The following KCNMA1 variants were observed in gnomAD, a reference collection of about 807,000 sequenced individuals.
KCNMA1 encodes potassium calcium-activated channel subfamily M alpha 1.
KCNMA1 carries 29 observed loss-of-function variants against 140.0 expected under a neutral mutation model. The observed-to-expected ratio is 0.21, with a 90% CI of 0.15 to 0.28. The LOEUF (loss-of-function observed/expected upper bound fraction) is 0.28. Among genes scored for constraint, KCNMA1 ranks in the 10% least tolerant of loss-of-function variants. The probability of loss-of-function intolerance (pLI) is 1.00; values close to 1 mark genes in which losing one functional copy is unlikely to be tolerated. For synonymous variants in KCNMA1, 612 were observed against 611.9 expected (o/e 1.00, Z 0.00); for missense variants, 880 against 1,602.2 (o/e 0.55, Z 7.70).
intron 14 of KCNMA1, among the ~76,000 whole-genome samples, chr10:77,064,422 C>G (rs1432040807): frequency 6.6e-6 from 1 of 152,162 alleles, no homozygotes; most frequent in Non-Finnish European, 1.5e-5. Flanking sequence ...TTATTTTATT[C>G]AGAAGATCCG....
intron 19 of KCNMA1, chr10:76,995,651 G>C (rs1206011823): frequency 8.5e-6 from 4 of 470,904 alleles, no homozygotes; most frequent in African/African-American, 2.0e-5. Context: ...GAGGTAAGAG[G>C]AAGCATTCAC....
intron 1 of KCNMA1, among the ~76,000 whole-genome samples, chr10:77,468,972 G>A (rs1031837121): frequency 6.6e-6 from 1 of 152,090 alleles, no homozygotes; most frequent in Admixed American, 6.6e-5. Flanking sequence ...TGAAAGCAGA[G>A]AACAGTAAAT....
chr10:77,294,284 TA>T (rs1187847762), intron 2 of KCNMA1, among the ~76,000 whole-genome samples: 1 of 152,210 alleles, frequency 6.6e-6, no homozygotes, highest in African/African-American at 2.4e-5. Flanking sequence ...ATCCTTGACT[TA>T]ACCCCCAACT....
intron 1 of KCNMA1, among the ~76,000 whole-genome samples, chr10:77,413,832 A>G (rs1357561517): frequency 2.6e-5 from 4 of 152,198 alleles, no homozygotes; most frequent in South Asian, 2.1e-4. Context: ...CCTTTAGGGA[A>G]GGGACACACT....
intron 3 of KCNMA1, among the ~76,000 whole-genome samples, chr10:77,189,597 T>C (rs2098921178): frequency 6.6e-6 from 1 of 152,114 alleles, no homozygotes; most frequent in South Asian, 2.1e-4. Context: ...AGCTTAAGAA[T>C]GACAACAACA....
chr10:77,399,475 T>C (rs2096188601), intron 2 of KCNMA1, among the ~76,000 whole-genome samples: 1 of 152,208 alleles, frequency 6.6e-6, no homozygotes, highest in East Asian at 1.9e-4. Context: ...AGCAGTACTC[T>C]TGACAGCCTG....
At chr10:76,896,081 A>G (rs2042371984) in intron 25 of KCNMA1, among the ~76,000 whole-genome samples, 1 of 152,158 alleles carries the variant, frequency 6.6e-6, no homozygotes, top group Non-Finnish European at 1.5e-5. Flanking sequence ...TCTGACTAGA[A>G]TTTGCCGGGC....
chr10:76,891,281 G>A (rs1049138360), intron 26 of KCNMA1: 1 of 527,880 alleles, frequency 1.9e-6, no homozygotes, highest in Non-Finnish European at 3.4e-6. Flanking sequence ...GGCCTCAGTT[G>A]ACTTAGAAGG....
Position 77,307,675 on chromosome 10 carries a change from T to C in KCNMA1, c.541-56419A>G, listed in dbSNP as rs372141158. Among the ~76,000 whole-genome samples, 26 of 152,254 alleles carry C rather than the reference T, an allele frequency of 1.7e-4. No homozygotes were observed. In the South Asian group the frequency reaches 4.4e-3, roughly 25 times the overall value. ...CATTCTCCTGCCTCAGCCTCCCAAG[T>C]AGCTGGGACTACAGGCGCGCACCAC... is the stretch of plus-strand genomic sequence containing the variant. On this transcript the variant is annotated intron_variant, in intron 2 of 27. Transcript: ENST00000286628.
At chr10:77,602,890 G>A (rs1463053498) in intron 1 of KCNMA1, among the ~76,000 whole-genome samples, 1 of 152,210 alleles carries the variant, frequency 6.6e-6, no homozygotes, top group Non-Finnish European at 1.5e-5. Flanking sequence ...TCTCAGAGGG[G>A]AGCTGAGTGC....
chr10:76,886,954 A>G lies in KCNMA1; in HGVS notation c.*312T>C. The G allele has an allele frequency of 8.2e-7, 1 of 1,221,972 alleles. No homozygotes were observed. 75.7% of individuals were successfully genotyped at this position (1,221,972 alleles called of 1,614,324 possible). A position where few individuals can be genotyped will look rare whatever the true frequency, so the allele number is the denominator to read the frequency against. Reference sequence around the variant, plus strand: ...GCTCTGCCTAACTGACGTTGATCACAAGTGCTCCCTTCTAATCTGTGAACT... The same window carrying G: ...GCTCTGCCTAACTGACGTTGATCACGAGTGCTCCCTTCTAATCTGTGAACT... On this transcript the variant is annotated 3_prime_UTR_variant, in exon 28 of 28. Transcript: ENST00000286628.
intron 1 of KCNMA1, chr10:77,636,273 G>A: frequency 6.9e-7 from 1 of 1,450,540 alleles, no homozygotes; most frequent in Non-Finnish European, 9.1e-7. Context: ...CAGTGGCTGT[G>A]GGGAAGGGAA....
chr10:77,635,400 C>A (rs2093638751), intron 1 of KCNMA1: 2 of 152,176 alleles, frequency 1.3e-5, no homozygotes, highest in Non-Finnish European at 1.5e-5. Flanking sequence ...TGAAAGAAAG[C>A]AAGCTGTTAA....
intron 6 of KCNMA1, among the ~76,000 whole-genome samples, chr10:77,119,466 A>C (rs2097549365): frequency 6.6e-6 from 1 of 152,194 alleles, no homozygotes; most frequent in Non-Finnish European, 1.5e-5. Context: ...TCTTAAGGAC[A>C]AGGCTCTATG....
chr10:77,557,114 G>T (rs531286714), intron 1 of KCNMA1, among the ~76,000 whole-genome samples: 26 of 152,222 alleles, frequency 1.7e-4, no homozygotes, highest in African/African-American at 5.8e-4. Context: ...TTTCTGGAAG[G>T]TAGGAAGAAT....
intron 1 of KCNMA1, chr10:77,433,693 G>T (rs915252235): frequency 6.6e-6 from 1 of 152,050 alleles, no homozygotes; most frequent in Admixed American, 6.5e-5. Flanking sequence ...CAACCCCCAG[G>T]GAAATAACAA....
At chr10:77,274,304 T>C (rs1221983514) in intron 2 of KCNMA1, among the ~76,000 whole-genome samples, 1 of 151,940 alleles carries the variant, frequency 6.6e-6, no homozygotes, top group Non-Finnish European at 1.5e-5. Context: ...AGACCTAGGG[T>C]CCTAAACAAA....
At chr10:76,871,424 A>G (rs1250641423) in exon 28 of KCNMA1, 1 of 152,334 alleles carries the variant, frequency 6.6e-6, no homozygotes, top group Non-Finnish European at 1.5e-5. Flanking sequence ...ATTGCCCCAC[A>G]TCCAGTCCCT....
At chr10:77,636,684 C>G in intron 1 of KCNMA1, 1 of 1,532,360 alleles carries the variant, frequency 6.5e-7, no homozygotes, top group Non-Finnish European at 8.7e-7. Context: ...TCTCTCGCCC[C>G]TCGAAGTCCC....
Sources: allele counts gnomAD v4.1 joint callset (sites outside exome capture counted in the v4.1 genomes callset), GRCh38; gene constraint gnomAD v4.1.1; transcripts MANE v1.5; gene names NCBI Gene and HGNC (gene_info 2026-07-23, HGNC 2026-07-21).